The following FKBP9 variants were observed in gnomAD, a reference collection of about 807,000 sequenced individuals.
FKBP9 encodes peptidyl-prolyl cis-trans isomerase FKBP9.
In FKBP9, 27 loss-of-function variants were observed where a neutral mutation model predicts 55.6. That is an observed-to-expected ratio of 0.49 (90% CI 0.36 to 0.67). The LOEUF (loss-of-function observed/expected upper bound fraction) is 0.67. Among genes scored for constraint, FKBP9 ranks in the 30% least tolerant of loss-of-function variants. The probability of loss-of-function intolerance (pLI) is 0.00; values close to 1 mark genes in which losing one functional copy is unlikely to be tolerated. For synonymous variants in FKBP9, 267 were observed against 296.5 expected, an observed-to-expected ratio of 0.90 and a Z score of 1.02; for missense variants, 539 against 742.8, an observed-to-expected ratio of 0.73 and a Z score of 3.19.
At chr7:32,987,255 G>A (rs1297157068) in intron 5 of FKBP9, among the ~76,000 whole-genome samples, 1 of 152,110 alleles carries the variant, frequency 6.6e-6, no homozygotes, top group African/African-American at 2.4e-5. Flanking sequence ...CCACACTTTC[G>A]GAGGCCAGGG....
intron 5 of FKBP9, among the ~76,000 whole-genome samples, chr7:32,982,051 C>T (rs1220197663): frequency 7.1e-5 from 10 of 141,104 alleles, no homozygotes; most frequent in African/African-American, 2.7e-4. Flanking sequence ...GGCAGAGTCT[C>T]ACTCTGTCAC....
chr7:33,003,687 A>G (rs1784974648), intron 9 of FKBP9, among the ~76,000 whole-genome samples: 1 of 152,162 alleles, frequency 6.6e-6, no homozygotes, highest in Admixed American at 6.5e-5. Flanking sequence ...TACAGGACGC[A>G]TCTTTCTCTG....
intron 6 of FKBP9, chr7:32,988,860 C>G (rs1309177043): frequency 1.9e-6 from 1 of 534,688 alleles, no homozygotes; most frequent in Non-Finnish European, 3.3e-6. Flanking sequence ...TTCAGAGTAG[C>G]TGGCACTACA....
At position 32,974,980 on chromosome 7, in the gene FKBP9, A is replaced by G. The variant is rs542050998; in HGVS notation, c.368-202A>G. On this transcript the variant is annotated intron_variant, in intron 2 of 9. Coordinates refer to ENST00000242209, the MANE Select transcript of FKBP9 (RefSeq NM_007270.5). ...ACAGATGTACTGAATGATACCCTCA[A>G]TGAGAAGAAGACTGTTTTTTCTCTT... 333 of 637,520 alleles carry G rather than the reference A, an allele frequency of 5.2e-4. No individual in the cohort carries two copies. The highest frequency in any genetic ancestry group is 8.6e-4 in the Non-Finnish European group (317 of 369,386). 39.5% of individuals were successfully genotyped at this position (637,520 alleles called of 1,614,324 possible).
At chr7:32,973,777 G>A (rs1166369116) in intron 1 of FKBP9, among the ~76,000 whole-genome samples, 1 of 37,176 alleles carries the variant, frequency 2.7e-5, no homozygotes, top group East Asian at 9.9e-4. Context: ...TGCAACCTCC[G>A]CCTCCCGAGT....
At chr7:32,977,910 C>CATATAT (rs70989917) in intron 4 of FKBP9, among the ~76,000 whole-genome samples, 2 of 130,114 alleles carry the variant, frequency 1.5e-5, no homozygotes, top group Non-Finnish European at 3.1e-5. Flanking sequence ...TATATATACT[C>CATATAT]ATATATATAT....
rs181682504 is a variant in FKBP9, at chr7:33,002,189, A to G, written c.1373-487A>G. 834 of 154,398 alleles carry G rather than the reference A, an allele frequency of 5.4e-3. 8 individuals carry two copies. The highest frequency in any genetic ancestry group is 0.019 in the African/African-American group (792 of 41,338). The allele number at this position is 154,398 out of a possible 1,614,324, so 9.6% of individuals were successfully genotyped here. On this transcript the variant is annotated intron_variant, in intron 8 of 9. Coordinates refer to ENST00000242209, the MANE Select transcript of FKBP9 (RefSeq NM_007270.5). ...CACTCGGTCACCCAGGCTGAAGTGC[A>G]ATGGCGCGATCTCGGCTCACTGCAA...
In FKBP9 at chr7:33,005,329, A is replaced by T; in HGVS notation, c.1691A>T (p.Glu564Val). Residue 564 changes from glutamate to valine, a missense_variant, in exon 10 of 10, where the codon GAA becomes GTA. Glu to Val is a moderately radical substitution (Grantham distance 121). This residue lies in a region of FKBP9 where 102 missense variants were observed against 200.7 expected (regional missense o/e 0.51). Coordinates refer to ENST00000242209, the MANE Select transcript of FKBP9 (RefSeq NM_007270.5). Reference sequence around the variant, plus strand: ...GAGGAATTTAAACTCAAAGACCAGGAAGCCAAACACGATGAACTCTAAACC... The same window carrying T: ...GAGGAATTTAAACTCAAAGACCAGGTAGCCAAACACGATGAACTCTAAACC... Reference protein sequence around the residue: ...TAEEFKLKDQEAKHDEL With the variant: ...TAEEFKLKDQVAKHDEL 2 of 1,614,242 alleles carry T rather than the reference A, an allele frequency of 1.2e-6. No homozygotes were observed. The highest frequency in any genetic ancestry group is 2.2e-5 in the South Asian group (2 of 91,086).
chr7:32,988,937 T>C (rs1192826878), intron 6 of FKBP9: 2 of 242,526 alleles, frequency 8.2e-6, no homozygotes, highest in East Asian at 1.5e-4. Context: ...AAGTCCAGCT[T>C]AAGACTGGAA....
chr7:32,976,094 C>T (rs1206367575), intron 3 of FKBP9, among the ~76,000 whole-genome samples: 1 of 152,224 alleles, frequency 6.6e-6, no homozygotes, highest in Non-Finnish European at 1.5e-5. Flanking sequence ...TTCGCAATTT[C>T]TTCTCATTAG....
chr7:32,965,824 T>TATATATATATGTGTAC (rs1310652872), intron 1 of FKBP9, among the ~76,000 whole-genome samples: 2 of 18,196 alleles, frequency 1.1e-4, no homozygotes, highest in Non-Finnish European at 2.3e-4. Flanking sequence ...TATATATATA[T>TATATATATATGTGTAC]ATATATATAT....
At chr7:32,957,884 C>G (rs1372449242) in intron 1 of FKBP9, 90 bp downstream of exon 1, 2 of 995,610 alleles carry the variant, frequency 2.0e-6, no homozygotes, top group Admixed American at 8.3e-5. Flanking sequence ...CCTCCCCTAG[C>G]TCCGCCCCGT....
intron 7 of FKBP9, among the ~76,000 whole-genome samples, chr7:32,996,750 T>TC (rs1457277638): frequency 7.8e-6 from 1 of 127,602 alleles, no homozygotes; most frequent in Non-Finnish European, 1.6e-5. Context: ...TTTCTTTCTT[T>TC]TTTTTTTTTT....
intron 1 of FKBP9, among the ~76,000 whole-genome samples, chr7:32,965,142 T>A (rs892562571): frequency 1.1e-4 from 17 of 152,182 alleles, no homozygotes; most frequent in South Asian, 4.1e-4. Flanking sequence ...GTCTTTTTTT[T>A]AATTTCTTTC....
chr7:32,982,477 G>A (rs964137555), intron 5 of FKBP9, among the ~76,000 whole-genome samples: 9 of 152,134 alleles, frequency 5.9e-5, no homozygotes, highest in African/African-American at 2.2e-4. Context: ...CTAATACATA[G>A]AGAGAAATCC....
intron 8 of FKBP9, 28 bp from the exon 9 acceptor site, chr7:33,002,648 C>T: frequency 1.9e-6 from 3 of 1,608,016 alleles, no homozygotes; most frequent in Non-Finnish European, 2.5e-6. Context: ...CCGGCTGACA[C>T]CGCCTCCCGC....
Position 32,957,808 on chromosome 7 carries a change from G to GGC in FKBP9, c.221+17_221+18dup. 7.0e-7 allele frequency: 1 copy of GGC among 1,425,730 alleles called. No individual in the cohort carries two copies. The highest frequency in any genetic ancestry group is 2.8e-5 in the East Asian group (1 of 35,166). The allele number at this position is 1,425,730 out of a possible 1,614,324, so 88.3% of individuals were successfully genotyped here. A position where few individuals can be genotyped will look rare whatever the true frequency, so the allele number is the denominator to read the frequency against. On this transcript the variant is annotated intron_variant, in intron 1 of 9. Transcript: ENST00000242209. ...GTTCGACTCCAGGTACCGCGCCCTT[G>GGC]GCGCCCGGCGCGGCCTCAGCGGATG...
At position 32,975,264 on chromosome 7, in the gene FKBP9, T is replaced by C; in HGVS notation, c.450T>C (p.Ile150=). ...DIWNSEDQVQ[I]HTYFKPPSCP... ...GGAATTCTGAAGACCAGGTTCAGAT[T>C]CACACCTATTTCAAGCCCCCGAGTT... Residue 150 remains isoleucine (I), a synonymous_variant, in exon 3 of 10, where the codon ATT becomes ATC. Transcript: ENST00000242209. 1 of 1,613,838 alleles carries C rather than the reference T, an allele frequency of 6.2e-7. No homozygotes were observed. Among genetic ancestry groups the C allele is most frequent in the South Asian group, 1.1e-5 (1 of 91,068 alleles).
At position 33,002,853 on chromosome 7, in the gene FKBP9, C is replaced by T; in HGVS notation, c.1536+14C>T. 1.2e-6 allele frequency: 2 copies of T among 1,611,206 alleles called. No individual in the cohort carries two copies. Among genetic ancestry groups the T allele is most frequent in the Non-Finnish European group, 1.7e-6 (2 of 1,178,388 alleles). ...CTCCTGGAAGAGGTAACTAACTGGC[C>T]TCTGTAGGAAGGTGGGACCGAAGAG... On this transcript the variant is annotated intron_variant, in intron 9 of 9. Transcript: ENST00000242209.
Sources: gnomAD v4.1 joint callset for allele counts (sites outside exome capture counted in the v4.1 genomes callset) on GRCh38, gnomAD v4.1.1 for gene constraint, gnomAD v4.1.1 regional missense constraint, MANE v1.5 for transcripts, NCBI Gene and HGNC (gene_info 2026-07-23, HGNC 2026-07-21) for gene names.